FBLN5: variants seen among roughly 807,000 people sequenced by gnomAD.
FBLN5 encodes fibulin-5.
A neutral mutation model predicts 61.6 loss-of-function variants in FBLN5; 24 were observed. The observed-to-expected ratio is 0.39, with a 90% CI of 0.28 to 0.55. The LOEUF is 0.55. FBLN5 is among the 20% of genes least tolerant of loss of function. FBLN5 has a pLI of 0.65. For missense variants in FBLN5, 470 were observed against 594.1 expected (o/e 0.79, Z 2.17); for synonymous variants, 213 against 219.8 (o/e 0.97, Z 0.27).
At chr14:91,875,004 T>G (rs2267991) in intron 10 of FBLN5, among the ~76,000 whole-genome samples, 42,950 of 151,802 alleles carry the variant, frequency 0.28, 6,345 homozygotes, top group Middle Eastern at 0.4. Context: ...TTTTTTAATC[T>G]TTTTTTGTAG....
At chr14:91,937,638 G>C (rs1040756244) in intron 3 of FBLN5, among the ~76,000 whole-genome samples, 2 of 152,138 alleles carry the variant, frequency 1.3e-5, no homozygotes, top group Admixed American at 6.5e-5. Context: ...AAGAGGAAGA[G>C]AGACCTCAGC....
At chr14:91,870,454 G>A (rs1321515362) in intron 10 of FBLN5, 69 bp from the exon 11 acceptor site, 15 of 1,516,766 alleles carry the variant, frequency 9.9e-6, no homozygotes, top group South Asian at 7.9e-5. Context: ...CCACCTGGGC[G>A]CTCCCTTGCC....
At chr14:91,896,479 A>G (rs1890231991) in intron 4 of FBLN5, among the ~76,000 whole-genome samples, 1 of 152,164 alleles carries the variant, frequency 6.6e-6, no homozygotes, top group South Asian at 2.1e-4. Flanking sequence ...AGTAATACTG[A>G]AAGCTGCAAT....
intron 5 of FBLN5, among the ~76,000 whole-genome samples, chr14:91,892,703 G>C (rs1566807205): frequency 6.6e-6 from 1 of 152,228 alleles, no homozygotes; most frequent in African/African-American, 2.4e-5. Flanking sequence ...GCAGGGGCTG[G>C]AGAGGGTACC....
At chr14:91,933,264 GT>G (rs920145335) in intron 4 of FBLN5, among the ~76,000 whole-genome samples, 1 of 152,064 alleles carries the variant, frequency 6.6e-6, no homozygotes, top group African/African-American at 2.4e-5. Flanking sequence ...CTTTTTGGAA[GT>G]TTTTTTATTT....
chr14:91,947,075 A>G lies in FBLN5; in HGVS notation c.17+138T>C. ...GGCGCAGCTTTTTATAATTAACAAT[A>G]TCATTGCATCACTAGCTCATGCCTT... On this transcript the variant is annotated intron_variant, in intron 1 of 10. Coordinates refer to ENST00000342058, the MANE Select transcript of FBLN5 (RefSeq NM_006329.4). The surrounding 1 kb of genome is among the most constrained non-coding windows in gnomAD (Gnocchi z 4.3). 1 of 1,537,178 alleles carries G rather than the reference A, an allele frequency of 6.5e-7. No homozygotes were observed. The highest frequency in any genetic ancestry group is 8.8e-7 in the Non-Finnish European group (1 of 1,132,242).
chr14:91,885,147 C>T (rs922861072), intron 7 of FBLN5, among the ~76,000 whole-genome samples: 1 of 152,202 alleles, frequency 6.6e-6, no homozygotes, highest in Admixed American at 6.5e-5. Context: ...GAAACAGACT[C>T]TCTCCATCAC....
intron 4 of FBLN5, among the ~76,000 whole-genome samples, chr14:91,922,122 A>G (rs1014971245): frequency 6.6e-6 from 1 of 151,936 alleles, no homozygotes; most frequent in Admixed American, 6.6e-5. Flanking sequence ...GCAAAACCCC[A>G]TTTCTACTAA....
intron 6 of FBLN5, among the ~76,000 whole-genome samples, chr14:91,889,794 G>T (rs1345515200): frequency 6.6e-6 from 1 of 152,240 alleles, no homozygotes; most frequent in African/African-American, 2.4e-5. Flanking sequence ...CCTGGGTGCC[G>T]GGCCTGCTGC....
chr14:91,922,760 G>T (rs2055762036), intron 4 of FBLN5, among the ~76,000 whole-genome samples: 1 of 152,184 alleles, frequency 6.6e-6, no homozygotes, highest in Non-Finnish European at 1.5e-5. Context: ...TTTTGCTCCA[G>T]CTGCTTGCAA....
In FBLN5 at chr14:91,895,051, T is replaced by A. The variant is rs773600968; in HGVS notation, c.401A>T (p.Asp134Val). The change falls in exon 5 of 11, where the codon GAT (aspartate) becomes GTT (valine). Residue 134 changes from aspartate (D) to valine (V), a missense_variant. Asp to Val is a radical substitution (Grantham distance 152, BLOSUM62 -3). Transcript: ENST00000342058. The part of the protein sequence containing the change: ...QCVDVDECAT[D>V]SHQCNPTQIC... ...CTGGGTGGGGTTGCACTGGTGGGAATCTGTTGCACACTCGTCCACATCTGT... is the reference window on the plus strand; with the variant it reads ...CTGGGTGGGGTTGCACTGGTGGGAAACTGTTGCACACTCGTCCACATCTGT... 1 of 1,614,126 alleles carries A rather than the reference T, an allele frequency of 6.2e-7. No homozygotes were observed. Among genetic ancestry groups the A allele is most frequent in the South Asian group, 1.1e-5 (1 of 91,088 alleles).
At chr14:91,887,930 T>C (rs1889802224) in intron 6 of FBLN5, among the ~76,000 whole-genome samples, 1 of 152,140 alleles carries the variant, frequency 6.6e-6, no homozygotes, top group Non-Finnish European at 1.5e-5. Flanking sequence ...TTCATGCGGG[T>C]ACACGTATGT....
intron 7 of FBLN5, among the ~76,000 whole-genome samples, chr14:91,885,613 T>TTGGTTGGC (rs1889694717): frequency 6.6e-6 from 1 of 151,990 alleles, no homozygotes; most frequent in South Asian, 2.1e-4. Flanking sequence ...GGTTGGTTGG[T>TTGGTTGGC]TGGTTGGCTG....
At chr14:91,886,095 T>G (rs1186451650) in intron 7 of FBLN5, among the ~76,000 whole-genome samples, 1 of 152,242 alleles carries the variant, frequency 6.6e-6, no homozygotes, top group Non-Finnish European at 1.5e-5. Flanking sequence ...ATTCATGACC[T>G]GGGTCAGTTC....
At chr14:91,893,132 G>A (rs1595306788) in intron 5 of FBLN5, among the ~76,000 whole-genome samples, 1 of 152,320 alleles carries the variant, frequency 6.6e-6, no homozygotes, top group East Asian at 1.9e-4. Flanking sequence ...TGAGACACGG[G>A]AGACTTGGAA....
intron 10 of FBLN5, among the ~76,000 whole-genome samples, chr14:91,876,888 T>C (rs1889188784): frequency 1.3e-5 from 2 of 152,186 alleles, no homozygotes; most frequent in African/African-American, 4.8e-5. Flanking sequence ...AGTACAGTGG[T>C]GTGATCTCAG....
intron 6 of FBLN5, among the ~76,000 whole-genome samples, chr14:91,888,036 T>A (rs905002965): frequency 1.3e-5 from 2 of 152,182 alleles, no homozygotes; most frequent in Admixed American, 6.5e-5. Flanking sequence ...TAGTGGCTCA[T>A]GCCTGTAATC....
At chr14:91,902,286 T>G (rs76796994) in intron 4 of FBLN5, among the ~76,000 whole-genome samples, 14 of 135,104 alleles carry the variant, frequency 1.0e-4, no homozygotes, top group South Asian at 2.2e-4. Context: ...TGTTTGTTTT[T>G]TTTTTTTTTT....
At chr14:91,905,115 T>G (rs919821561) in intron 4 of FBLN5, among the ~76,000 whole-genome samples, 2 of 152,050 alleles carry the variant, frequency 1.3e-5, no homozygotes, top group Non-Finnish European at 2.9e-5. Flanking sequence ...GCAGCAAACA[T>G]TCCCAGCTGG....
Sources: gnomAD v4.1 joint callset for allele counts (sites outside exome capture counted in the v4.1 genomes callset) on GRCh38, gnomAD v4.1.1 for gene constraint, Gnocchi (gnomAD v3.1) non-coding constraint, MANE v1.5 for transcripts, NCBI Gene and HGNC (gene_info 2026-07-23, HGNC 2026-07-21) for gene names.